Variants in SLC35F3 observed in about 807,000 individuals in gnomAD.
SLC35F3 encodes the protein putative thiamine transporter SLC35F3.
In SLC35F3, 25 loss-of-function variants were observed where a neutral mutation model predicts 49.9. The observed-to-expected ratio is 0.50, with a 90% confidence interval of 0.37 to 0.70. SLC35F3 has a LOEUF of 0.70. Among genes scored for constraint, SLC35F3 ranks in the 30% least tolerant of loss-of-function variants. The pLI, the probability that SLC35F3 is intolerant of heterozygous loss-of-function variation, is 0.00. For missense variants in SLC35F3, 525 were observed against 639.8 expected, an observed-to-expected ratio of 0.82 and a Z score of 1.94; for synonymous variants, 275 against 265.4, an observed-to-expected ratio of 1.04 and a Z score of -0.35.
At chr1:234,017,496 G>A (rs770811061) in intron 2 of SLC35F3, among the ~76,000 whole-genome samples, 2 of 151,656 alleles carry the variant, frequency 1.3e-5, no homozygotes, top group Non-Finnish European at 2.9e-5. Flanking sequence ...GGTGGATCAC[G>A]AGGTCAGGAG....
intron 2 of SLC35F3, among the ~76,000 whole-genome samples, chr1:234,211,691 G>C (rs558762492): frequency 6.6e-6 from 1 of 152,376 alleles, no homozygotes; most frequent in South Asian, 2.1e-4. Flanking sequence ...TATCCAGGAA[G>C]TAACTAACTT....
intron 2 of SLC35F3, among the ~76,000 whole-genome samples, chr1:234,055,520 G>A (rs945079013): frequency 1.3e-5 from 2 of 152,190 alleles, no homozygotes; most frequent in Admixed American, 1.3e-4. Context: ...GCAGGATTAG[G>A]GTGGGAGTTT....
intron 2 of SLC35F3, among the ~76,000 whole-genome samples, chr1:234,065,548 A>G (rs894541197): frequency 1.3e-5 from 2 of 152,226 alleles, no homozygotes; most frequent in African/African-American, 2.4e-5. Context: ...ACTTTTATAC[A>G]TATATCCTTT....
chr1:233,955,162 A>T (rs540880215), intron 2 of SLC35F3, among the ~76,000 whole-genome samples: 1 of 152,206 alleles, frequency 6.6e-6, no homozygotes, highest in South Asian at 2.1e-4. Context: ...TATGTGAAAA[A>T]AATCAGCCTT....
intron 2 of SLC35F3, among the ~76,000 whole-genome samples, chr1:234,041,490 G>A (rs1313390817): frequency 1.3e-5 from 2 of 151,702 alleles, no homozygotes; most frequent in Non-Finnish European, 2.9e-5. Flanking sequence ...GTTGTGTCCA[G>A]GAAGAAAAAA....
intron 3 of SLC35F3, among the ~76,000 whole-genome samples, chr1:234,275,424 T>A (rs144407862): frequency 8.5e-4 from 130 of 152,302 alleles, no homozygotes; most frequent in African/African-American, 3.1e-3. Flanking sequence ...CATTAAGATA[T>A]CAATTTCATT....
At chr1:234,303,828 C>A (rs895134912) in intron 3 of SLC35F3, among the ~76,000 whole-genome samples, 1 of 151,982 alleles carries the variant, frequency 6.6e-6, no homozygotes, top group Non-Finnish European at 1.5e-5. Context: ...TTTCTTTATT[C>A]ATTTTTTTGG....
chr1:234,014,353 C>T (rs746310625), intron 2 of SLC35F3, among the ~76,000 whole-genome samples: 4 of 152,108 alleles, frequency 2.6e-5, no homozygotes, highest in Non-Finnish European at 4.4e-5. Flanking sequence ...ACAATAGAGG[C>T]CGTATATGAA....
chr1:234,135,474 C>T (rs1360002482), intron 2 of SLC35F3, among the ~76,000 whole-genome samples: 1 of 152,148 alleles, frequency 6.6e-6, no homozygotes, highest in East Asian at 1.9e-4. Flanking sequence ...AAGCCCACCC[C>T]AGGTTTACTG....
chr1:234,197,712 G>A (rs574709143), intron 2 of SLC35F3, among the ~76,000 whole-genome samples: 15 of 152,328 alleles, frequency 9.8e-5, no homozygotes, highest in Middle Eastern at 3.4e-3. Context: ...CACTCCCCAC[G>A]GAGGGCTGCA....
chr1:234,282,808 G>A (rs996060721), intron 3 of SLC35F3, among the ~76,000 whole-genome samples: 6 of 152,164 alleles, frequency 3.9e-5, no homozygotes, highest in Non-Finnish European at 5.9e-5. Flanking sequence ...TTGTGTTAAC[G>A]GTTGCAGTGT....
At chr1:234,316,537 C>T (rs935167979) in intron 4 of SLC35F3, 65 bp from the exon 5 acceptor site, 10 of 1,540,736 alleles carry the variant, frequency 6.5e-6, no homozygotes, top group African/African-American at 1.4e-5. Flanking sequence ...AGCTCTTTGG[C>T]GCTTGCATAC....
chr1:234,293,771 C>T (rs1668547209), intron 3 of SLC35F3, among the ~76,000 whole-genome samples: 1 of 152,188 alleles, frequency 6.6e-6, no homozygotes, highest in Non-Finnish European at 1.5e-5. Context: ...TCAGTGTTAT[C>T]CAAAAAGGCA....
chr1:233,930,864 C>T (rs1009761515), intron 2 of SLC35F3, among the ~76,000 whole-genome samples: 2 of 152,158 alleles, frequency 1.3e-5, no homozygotes. Flanking sequence ...TTGTCATCTT[C>T]ACCTTGAGTA....
chr1:234,084,291 G>C (rs1348458424), intron 2 of SLC35F3, among the ~76,000 whole-genome samples: 1 of 151,740 alleles, frequency 6.6e-6, no homozygotes, highest in African/African-American at 2.4e-5. Flanking sequence ...TTTACAAATA[G>C]TTTTTATCTT....
At chr1:234,097,130 C>T (rs1327930451) in intron 2 of SLC35F3, among the ~76,000 whole-genome samples, 1 of 152,138 alleles carries the variant, frequency 6.6e-6, no homozygotes, top group East Asian at 1.9e-4. Flanking sequence ...CTCAGGTGAT[C>T]TGCCCACCTC....
At chr1:233,925,823 G>A (rs1662148699) in intron 2 of SLC35F3, among the ~76,000 whole-genome samples, 1 of 152,156 alleles carries the variant, frequency 6.6e-6, no homozygotes, top group African/African-American at 2.4e-5. Flanking sequence ...TGTAAGGCAG[G>A]CCTGGTGGTG....
intron 3 of SLC35F3, among the ~76,000 whole-genome samples, chr1:234,253,603 A>G (rs1265675779): frequency 5.3e-5 from 8 of 152,206 alleles, no homozygotes; most frequent in African/African-American, 1.9e-4. Flanking sequence ...GTTGTCAAAA[A>G]GAAGTATATA....
intron 2 of SLC35F3, among the ~76,000 whole-genome samples, chr1:234,220,458 C>T (rs1667187211): frequency 6.6e-6 from 1 of 152,188 alleles, no homozygotes; most frequent in South Asian, 2.1e-4. Context: ...GTAATAACTG[C>T]GGTAGTAATA....
Sources: allele counts gnomAD v4.1 joint callset (sites outside exome capture counted in the v4.1 genomes callset), GRCh38; gene constraint gnomAD v4.1.1; transcripts MANE v1.5; gene names NCBI Gene and HGNC (gene_info 2026-07-23, HGNC 2026-07-21).